AP2A2: variants seen among roughly 807,000 people sequenced by gnomAD.
The protein encoded by AP2A2 is adaptor related protein complex 2 subunit alpha 2.
Under a neutral mutation model 104.2 loss-of-function variants are expected in AP2A2, and 32 were observed. The ratio of observed to expected loss-of-function variants is 0.31; its 90% confidence interval spans 0.23 to 0.41. The LOEUF (loss-of-function observed/expected upper bound fraction) is 0.41, where lower values mean the gene tolerates loss of function less well. Ranked by LOEUF, AP2A2 falls within the 10% of genes least tolerant of loss-of-function variation. AP2A2 has a pLI of 1.00. For synonymous variants in AP2A2, 539 were observed against 533.3 expected, an observed-to-expected ratio of 1.01 and a Z score of -0.15; for missense variants, 912 against 1,261.0, an observed-to-expected ratio of 0.72 and a Z score of 4.19.
intron 1 of AP2A2, among the ~76,000 whole-genome samples, chr11:926,563 C>G (rs1853127858): frequency 6.6e-6 from 1 of 152,130 alleles, no homozygotes; most frequent in Non-Finnish European, 1.5e-5. Context: ...AGTACTGGAG[C>G]GTTTAACCCA....
intron 1 of AP2A2, among the ~76,000 whole-genome samples, chr11:955,931 C>T (rs1854219324): frequency 6.6e-6 from 1 of 152,068 alleles, no homozygotes; most frequent in African/African-American, 2.4e-5. Flanking sequence ...CCGCTTGTGT[C>T]GTGTTCTGAT....
In AP2A2 at chr11:992,370, T is replaced by G. The variant is rs1014870288; in HGVS notation, c.1270-133T>G. 3.4e-6 allele frequency: 3 copies of G among 888,290 alleles called. No homozygotes were observed. The African/African-American group carries it at 5.0e-5, about 15-fold the overall frequency. The allele number at this position is 888,290 out of a possible 1,614,324, so 55.0% of individuals were successfully genotyped here. A position where few individuals can be genotyped will look rare whatever the true frequency, so the allele number is the denominator to read the frequency against. The stretch of plus-strand genomic sequence containing the variant: ...GCTTTTTTGAGAATCGAGTTCAAGC[T>G]TCCTCCATGTCCCAAACTTTTGTAG... On this transcript the variant is annotated intron_variant, in intron 10 of 21. Transcript: ENST00000448903. The surrounding 1 kb of genome is among the most constrained non-coding windows in gnomAD (Gnocchi z 6.4).
chr11:987,525 G>A (rs1855502470), intron 9 of AP2A2, among the ~76,000 whole-genome samples: 3 of 152,012 alleles, frequency 2.0e-5, no homozygotes, highest in Admixed American at 6.6e-5. Flanking sequence ...GGTGGCGGCC[G>A]GTGCCTGTAG....
chr11:999,896 C>T (rs553514449), intron 14 of AP2A2, among the ~76,000 whole-genome samples: 12 of 151,484 alleles, frequency 7.9e-5, no homozygotes, highest in African/African-American at 2.9e-4. Context: ...CTCCGCCTCC[C>T]GGGTTCACAC....
rs1564815069 is a variant in AP2A2, at chr11:993,131, G to T, written c.1453-153G>T. ...CTTGCTGCTGACACAGGTACTGAGGGTGCTGAGGAAGGCAGGGATGGGCAC... is the reference window on the plus strand; with the variant it reads ...CTTGCTGCTGACACAGGTACTGAGGTTGCTGAGGAAGGCAGGGATGGGCAC... On this transcript the variant is annotated intron_variant, in intron 11 of 21. Transcript: ENST00000448903. The surrounding 1 kb of genome is among the most constrained non-coding windows in gnomAD (Gnocchi z 8.2). Among the ~76,000 whole-genome samples the T allele has an allele frequency of 6.6e-6, 1 of 152,210 alleles. No individual in the cohort carries two copies. Among genetic ancestry groups the T allele is most frequent in the Admixed American group, 6.5e-5 (1 of 15,286 alleles).
chr11:1,008,022 G>C lies in AP2A2; in HGVS notation c.2307G>C (p.Leu769=), dbSNP rs1856267113. The C allele has an allele frequency of 6.4e-7, 1 of 1,559,154 alleles. No homozygotes were observed. Among genetic ancestry groups the C allele is most frequent in the African/African-American group, 1.4e-5 (1 of 73,418 alleles). Residue 769 remains leucine, a synonymous_variant, in exon 18 of 22, where the codon CTG becomes CTC. Coordinates refer to ENST00000448903, the MANE Select transcript of AP2A2 (RefSeq NM_012305.4). ...CSDDLQPNLN[L]QTKPVDPTVE... ...CCTTAACGCACGCACACCTGAACCT[G>C]CAGACCAAGCCCGTGGACCCGACCG...
At chr11:930,979 G>A (rs1402992755) in intron 1 of AP2A2, among the ~76,000 whole-genome samples, 1 of 152,172 alleles carries the variant, frequency 6.6e-6, no homozygotes, top group Non-Finnish European at 1.5e-5. Context: ...GTAGCTTTGT[G>A]TAACCGGTTC....
In AP2A2 at chr11:969,440, G is replaced by A. The variant is rs1404851407; in HGVS notation, c.137-729G>A. On this transcript the variant is annotated intron_variant, in intron 2 of 21. Transcript: ENST00000448903. Reference sequence around the variant, plus strand: ...GATGGTGTTTCTCCATGTTGAGGCTGGTCTCGAACTCCTGACCTCAGGTGA... The same window carrying A: ...GATGGTGTTTCTCCATGTTGAGGCTAGTCTCGAACTCCTGACCTCAGGTGA... 3.3e-5 allele frequency among the ~76,000 whole-genome samples: 5 copies of A among 151,916 alleles called. No homozygotes were observed. In the East Asian group the frequency reaches 9.7e-4, roughly 30 times the overall value.
At chr11:1,004,307 T>C (rs559871237) in intron 16 of AP2A2, among the ~76,000 whole-genome samples, 1 of 152,226 alleles carries the variant, frequency 6.6e-6, no homozygotes, top group South Asian at 2.1e-4. Flanking sequence ...ACCCTGTCTC[T>C]AATAAAAATA....
intron 16 of AP2A2, 137 bp downstream of exon 16, chr11:1,003,941 G>A (rs1203482177): frequency 2.0e-5 from 8 of 408,190 alleles, no homozygotes; most frequent in Non-Finnish European, 3.3e-5. Flanking sequence ...TAAGAAAGCA[G>A]CCCAATTAAA....
chr11:969,393 C>T (rs570659537), intron 2 of AP2A2, among the ~76,000 whole-genome samples: 1 of 151,900 alleles, frequency 6.6e-6, no homozygotes, highest in Non-Finnish European at 1.5e-5. Context: ...CCACGCCTGG[C>T]TAATTTTGTA....
At chr11:932,047 G>T (rs144860248) in intron 1 of AP2A2, among the ~76,000 whole-genome samples, 2 of 152,040 alleles carry the variant, frequency 1.3e-5, no homozygotes, top group East Asian at 3.9e-4. Flanking sequence ...GAGCCACCAC[G>T]CCCGGCCAGG....
At chr11:932,007 G>A (rs1424984829) in intron 1 of AP2A2, among the ~76,000 whole-genome samples, 3 of 151,974 alleles carry the variant, frequency 2.0e-5, no homozygotes, top group African/African-American at 7.3e-5. Flanking sequence ...CACTGTATTA[G>A]CCAGGATGAT....
At chr11:938,189 G>A (rs899914059) in intron 1 of AP2A2, among the ~76,000 whole-genome samples, 30 of 152,312 alleles carry the variant, frequency 2.0e-4, no homozygotes, top group Non-Finnish European at 3.5e-4. Context: ...TGTGCCGGCT[G>A]GTGCCGCACG....
Position 984,661 on chromosome 11 carries a change from C to T in AP2A2, c.722C>T (p.Ser241Phe), listed in dbSNP as rs1414836443. Residue 241 changes from serine to phenylalanine, a missense_variant, in exon 7 of 22, where the codon TCC (serine) becomes TTC (phenylalanine). Physicochemically the swap from Ser to Phe is radical, Grantham distance 155. Transcript: ENST00000448903. Reference sequence around the variant, plus strand: ...GTCTTACAGATCGTGACGTCTGCATCCACAGATCTCCAGGATTACACTTAC... The same window carrying T: ...GTCTTACAGATCGTGACGTCTGCATTCACAGATCTCCAGGATTACACTTAC... ...SRLSRIVTSA[S>F]TDLQDYTYYF... 1.2e-6 allele frequency: 2 copies of T among 1,612,822 alleles called. No homozygotes were observed. Among genetic ancestry groups the T allele is most frequent in the South Asian group, 2.2e-5 (2 of 91,072 alleles).
intron 1 of AP2A2, among the ~76,000 whole-genome samples, chr11:951,526 CAA>C (rs75136030): frequency 7.2e-6 from 1 of 139,496 alleles, no homozygotes; most frequent in Non-Finnish European, 1.6e-5. Flanking sequence ...GACTCCGTCT[CAA>C]AAAAAAAAAA....
At chr11:980,125 G>A (rs1702293849) in intron 5 of AP2A2, among the ~76,000 whole-genome samples, 1 of 1,970 alleles carries the variant, frequency 5.1e-4, no homozygotes, top group Non-Finnish European at 1.0e-3. Flanking sequence ...TCCTGGAGCG[G>A]TGACAGGCTG....
intron 2 of AP2A2, among the ~76,000 whole-genome samples, chr11:969,626 G>A (rs1854750809): frequency 6.6e-6 from 1 of 152,166 alleles, no homozygotes; most frequent in Non-Finnish European, 1.5e-5. Flanking sequence ...CTTGTGAGGG[G>A]CTCAGACAAA....
In AP2A2 at chr11:938,754, A is replaced by G. The variant is rs539066292; in HGVS notation, c.67+12666A>G. 3.9e-4 allele frequency among the ~76,000 whole-genome samples: 60 copies of G among 152,146 alleles called. 2 individuals carry two copies. In the South Asian group the frequency reaches 0.011, roughly 28 times the overall value. On this transcript the variant is annotated intron_variant, in intron 1 of 21. Transcript: ENST00000448903. ...CTCCTGAAATGCTGGGATTACAGGC[A>G]TGAGCCGCTGTGCCCGGCCCAAATG...
Sources: gnomAD v4.1 joint callset for allele counts (sites outside exome capture counted in the v4.1 genomes callset) on GRCh38, gnomAD v4.1.1 for gene constraint, Gnocchi (gnomAD v3.1) non-coding constraint, MANE v1.5 for transcripts, NCBI Gene and HGNC (gene_info 2026-07-23, HGNC 2026-07-21) for gene names.